Variants in TBC1D22A observed in about 807,000 individuals in gnomAD.
The protein encoded by TBC1D22A is TBC1 domain family member 22A, also known as putative GTPase activator.
TBC1D22A carries 38 observed loss-of-function variants against 60.2 expected under a neutral mutation model. The ratio of observed to expected loss-of-function variants is 0.63; its 90% CI spans 0.49 to 0.83. The LOEUF is 0.83. Among genes scored for constraint, TBC1D22A ranks in the 40% least tolerant of loss-of-function variants. The probability of loss-of-function intolerance (pLI) is 0.00; values close to 1 mark genes in which losing one functional copy is unlikely to be tolerated. For synonymous variants in TBC1D22A, 302 were observed against 281.7 expected (o/e 1.07, Z -0.72); for missense variants, 628 against 701.0 (o/e 0.90, Z 1.18).
chr22:47,026,038 C>T (rs1036236465), intron 10 of TBC1D22A, among the ~76,000 whole-genome samples: 13 of 152,078 alleles, frequency 8.5e-5, no homozygotes, highest in South Asian at 4.1e-4. Flanking sequence ...GTACACATCC[C>T]GATGATGTAG....
chr22:46,968,863 T>A (rs2073936626), intron 8 of TBC1D22A, among the ~76,000 whole-genome samples: 3 of 152,224 alleles, frequency 2.0e-5, no homozygotes, highest in Non-Finnish European at 4.4e-5. Context: ...CTGACCAAGC[T>A]AAATATCCTC....
intron 8 of TBC1D22A, among the ~76,000 whole-genome samples, chr22:46,959,688 G>A (rs1454285503): frequency 2.6e-5 from 4 of 151,984 alleles, no homozygotes; most frequent in Non-Finnish European, 4.4e-5. Flanking sequence ...CTCTGATTCC[G>A]CTTGGTCAGA....
At chr22:47,164,936 G>A (rs1383535306) in intron 12 of TBC1D22A, among the ~76,000 whole-genome samples, 1 of 152,166 alleles carries the variant, frequency 6.6e-6, no homozygotes, top group Non-Finnish European at 1.5e-5. Context: ...TAGGATCAAC[G>A]ATCTTTGACC....
intron 11 of TBC1D22A, among the ~76,000 whole-genome samples, chr22:47,077,257 A>G (rs2064264274): frequency 6.6e-6 from 1 of 152,160 alleles, no homozygotes. Context: ...CTACTCTTGT[A>G]CATACTATCT....
intron 6 of TBC1D22A, 111 bp from the exon 7 acceptor site, chr22:46,894,673 C>CG (rs1172203453): frequency 8.1e-7 from 1 of 1,240,984 alleles, no homozygotes; most frequent in Admixed American, 1.8e-5. Context: ...AAGGAGAGAG[C>CG]GGGGTAGAGG....
chr22:47,173,971 T>C lies in TBC1D22A; in HGVS notation c.*345T>C, dbSNP rs2068587700. ...GGCAGCCTAGGAGGCCGACCCTCTT[T>C]GGAGTCCTGCTGTCTGGGTGCCAGG... On this transcript the variant is annotated 3_prime_UTR_variant, in exon 13 of 13. Transcript: ENST00000337137. 4.4e-6 allele frequency: 1 copy of C among 225,160 alleles called. No homozygotes were observed. Among genetic ancestry groups the C allele is most frequent in the African/African-American group, 2.3e-5 (1 of 43,832 alleles). 13.9% of individuals were successfully genotyped at this position (225,160 alleles called of 1,614,324 possible). A position where few individuals can be genotyped will look rare whatever the true frequency, so the allele number is the denominator to read the frequency against.
chr22:47,090,481 G>T (rs978004421), intron 11 of TBC1D22A, among the ~76,000 whole-genome samples: 1 of 152,250 alleles, frequency 6.6e-6, no homozygotes, highest in Non-Finnish European at 1.5e-5. Flanking sequence ...TGTCAGAAAC[G>T]CAACATGCAT....
intron 4 of TBC1D22A, among the ~76,000 whole-genome samples, chr22:46,874,442 A>G (rs912222894): frequency 6.6e-6 from 1 of 151,686 alleles, no homozygotes; most frequent in African/African-American, 2.4e-5. Flanking sequence ...CCTCACCACC[A>G]TTAATAATCA....
chr22:46,895,849 T>C (rs1271961034), intron 7 of TBC1D22A, among the ~76,000 whole-genome samples: 2 of 152,208 alleles, frequency 1.3e-5, no homozygotes, highest in Non-Finnish European at 2.9e-5. Context: ...ATGCAGGTGC[T>C]CACAGGCAAG....
At chr22:46,843,417 G>C (rs949965306) in intron 4 of TBC1D22A, among the ~76,000 whole-genome samples, 1 of 147,014 alleles carries the variant, frequency 6.8e-6, no homozygotes, top group African/African-American at 2.7e-5. Context: ...GGGATGCCAG[G>C]GGATTGAGAC....
At chr22:47,118,208 A>T (rs1050118954) in intron 12 of TBC1D22A, among the ~76,000 whole-genome samples, 5 of 152,216 alleles carry the variant, frequency 3.3e-5, no homozygotes, top group African/African-American at 1.2e-4. Flanking sequence ...TGGAATTTGT[A>T]CCAACAAAGA....
intron 7 of TBC1D22A, among the ~76,000 whole-genome samples, chr22:46,909,835 C>T (rs2069775768): frequency 6.6e-6 from 1 of 152,196 alleles, no homozygotes; most frequent in Non-Finnish European, 1.5e-5. Flanking sequence ...ACGCCGTCCC[C>T]TGGGCTTGCT....
intron 12 of TBC1D22A, among the ~76,000 whole-genome samples, chr22:47,156,896 C>T (rs2067741947): frequency 6.6e-6 from 1 of 152,258 alleles, no homozygotes; most frequent in South Asian, 2.1e-4. Context: ...TTCTGTCGTC[C>T]TGGCCACAGC....
intron 12 of TBC1D22A, among the ~76,000 whole-genome samples, chr22:47,154,477 C>T (rs1323910077): frequency 6.6e-6 from 1 of 152,196 alleles, no homozygotes; most frequent in Non-Finnish European, 1.5e-5. Flanking sequence ...CAGTTTTCCC[C>T]CTTCCTTAAA....
At chr22:46,775,646 G>A (rs801626) in intron 1 of TBC1D22A, among the ~76,000 whole-genome samples, 22,959 of 152,128 alleles carry the variant, frequency 0.15, 2,312 homozygotes, top group African/African-American at 0.28. Flanking sequence ...AATCTCTATA[G>A]TGAGTTAGTT....
chr22:46,808,587 T>C (rs1376497969), intron 4 of TBC1D22A, among the ~76,000 whole-genome samples: 1 of 151,942 alleles, frequency 6.6e-6, no homozygotes, highest in African/African-American at 2.4e-5. Flanking sequence ...GCTTTGACTT[T>C]GGTGTTTAGC....
intron 12 of TBC1D22A, among the ~76,000 whole-genome samples, chr22:47,120,028 AT>A (rs1372483667): frequency 2.0e-5 from 3 of 152,176 alleles, no homozygotes; most frequent in Non-Finnish European, 4.4e-5. Flanking sequence ...AAAATATCCC[AT>A]AAAAATACCA....
chr22:46,793,635 C>T lies in TBC1D22A; in HGVS notation c.254C>T (p.Ala85Val), dbSNP rs1438584179. 3 of 1,613,706 alleles carry T rather than the reference C, an allele frequency of 1.9e-6. No homozygotes were observed. Among genetic ancestry groups the T allele is most frequent in the East Asian group, 2.2e-5 (1 of 44,872 alleles). ...GACGACGATGAGCTCCTGGCCATGG[C>T]GGCGGAGAGCCTGAACTCCGAGGTG... Reference protein sequence around the residue: ...GEDDDELLAMAAESLNSEVVM... With the variant: ...GEDDDELLAMVAESLNSEVVM... Residue 85 changes from alanine to valine, a missense_variant, in exon 3 of 13, where the codon GCG (alanine) becomes GTG (valine). Ala to Val is a moderately conservative substitution (Grantham distance 64). Coordinates refer to ENST00000337137, the MANE Select transcript of TBC1D22A (RefSeq NM_014346.5).
At chr22:46,999,731 A>G (rs1252135240) in intron 10 of TBC1D22A, among the ~76,000 whole-genome samples, 1 of 152,240 alleles carries the variant, frequency 6.6e-6, no homozygotes, top group East Asian at 1.9e-4. Flanking sequence ...TTAAAGAAAA[A>G]AAAAGCTTCT....
Sources: gnomAD v4.1 joint callset for allele counts (sites outside exome capture counted in the v4.1 genomes callset) on GRCh38, gnomAD v4.1.1 for gene constraint, MANE v1.5 for transcripts, NCBI Gene and HGNC (gene_info 2026-07-23, HGNC 2026-07-21) for gene names.